The following CHAT variants were observed in gnomAD, a reference collection of about 807,000 sequenced individuals.
The protein encoded by CHAT is acetyl CoA:choline O-acetyltransferase.
Under a neutral mutation model 76.9 loss-of-function variants are expected in CHAT, and 61 were observed. The observed-to-expected ratio is 0.79, with a 90% confidence interval of 0.65 to 0.98. The LOEUF is 0.98. Among genes scored for constraint, CHAT ranks in the 50% least tolerant of loss-of-function variants. CHAT has a pLI of 0.00. For missense variants in CHAT, 946 were observed against 986.9 expected (o/e 0.96, Z 0.56); for synonymous variants, 407 against 397.4 (o/e 1.02, Z -0.29).
upstream of CHAT, chr10:49,612,451 C>A: frequency 9.4e-7 from 1 of 1,066,046 alleles, no homozygotes; most frequent in South Asian, 1.6e-5. Context: ...AGTACCCCAG[C>A]CACTCCTCAA....
intron 9 of CHAT, 91 bp from the exon 10 acceptor site, chr10:49,649,417 G>C: frequency 6.3e-7 from 1 of 1,584,246 alleles, no homozygotes; most frequent in South Asian, 1.1e-5. Flanking sequence ...CGCAAACACT[G>C]ACAGCTAAGA....
At chr10:49,643,960 T>C (rs1000804983) in intron 7 of CHAT, among the ~76,000 whole-genome samples, 1 of 152,168 alleles carries the variant, frequency 6.6e-6, no homozygotes, top group African/African-American at 2.4e-5. Context: ...GGTCTGGGAA[T>C]GGCATTGGGG....
chr10:49,640,333 G>A (rs1839438419), intron 7 of CHAT, among the ~76,000 whole-genome samples: 1 of 152,140 alleles, frequency 6.6e-6, no homozygotes, highest in African/African-American at 2.4e-5. Flanking sequence ...TGGATATATT[G>A]TGTTATAAGA....
At chr10:49,661,828 C>T (rs1840203369) in intron 13 of CHAT, among the ~76,000 whole-genome samples, 1 of 152,162 alleles carries the variant, frequency 6.6e-6, no homozygotes, top group Admixed American at 6.5e-5. Flanking sequence ...AGAATGAGTA[C>T]CCGGCCCCAC....
intron 8 of CHAT, 38 bp from the exon 9 acceptor site, chr10:49,648,469 C>G (rs748541892): frequency 1.3e-6 from 2 of 1,547,178 alleles, no homozygotes; most frequent in South Asian, 2.3e-5. Context: ...GCAATGCTGA[C>G]TCTCCCATGA....
chr10:49,652,566 A>T (rs1371909115), intron 11 of CHAT, among the ~76,000 whole-genome samples: 2 of 152,228 alleles, frequency 1.3e-5, no homozygotes, highest in East Asian at 1.9e-4. Flanking sequence ...CCATCAGCTC[A>T]TGCTTAGCCA....
At chr10:49,618,028 C>G (rs902403322) in intron 2 of CHAT, among the ~76,000 whole-genome samples, 4 of 152,176 alleles carry the variant, frequency 2.6e-5, no homozygotes, top group Non-Finnish European at 5.9e-5. Context: ...GGGGAGGAAC[C>G]CTTTACTGTC....
chr10:49,664,060 T>C (rs1840278324), intron 14 of CHAT, among the ~76,000 whole-genome samples: 1 of 152,052 alleles, frequency 6.6e-6, no homozygotes, highest in Non-Finnish European at 1.5e-5. Context: ...ATCCTTTCTA[T>C]TTTTTTTCCC....
chr10:49,653,244 G>C (rs1839935032), intron 11 of CHAT, among the ~76,000 whole-genome samples: 1 of 152,078 alleles, frequency 6.6e-6, no homozygotes, highest in South Asian at 2.1e-4. Context: ...GTCGGGGAAG[G>C]GGTGAATAGT....
At chr10:49,643,342 T>C (rs1315841504) in intron 7 of CHAT, among the ~76,000 whole-genome samples, 2 of 152,144 alleles carry the variant, frequency 1.3e-5, no homozygotes, top group African/African-American at 4.8e-5. Context: ...TGGGGATCTG[T>C]TCTCCGGCCA....
chr10:49,616,136 G>A, intron 1 of CHAT: 1 of 1,543,352 alleles, frequency 6.5e-7, no homozygotes, highest in East Asian at 2.2e-5. Context: ...GAGAGAGTTT[G>A]ATTGGCAAAG....
chr10:49,631,114 C>A (rs527780480), intron 7 of CHAT, among the ~76,000 whole-genome samples: 8 of 152,234 alleles, frequency 5.3e-5, no homozygotes, highest in Admixed American at 5.2e-4. Flanking sequence ...CTGGTAGGGA[C>A]GGTGAAGGTG....
chr10:49,629,206 T>C (rs1431158729), intron 7 of CHAT, among the ~76,000 whole-genome samples: 2 of 152,266 alleles, frequency 1.3e-5, no homozygotes, highest in Admixed American at 1.3e-4. Flanking sequence ...CTGTTTGGTT[T>C]AATTTCTGAG....
intron 5 of CHAT, among the ~76,000 whole-genome samples, chr10:49,624,730 CGGATGGATGGATGGAT>C (rs908612250): frequency 2.4e-5 from 1 of 41,504 alleles, no homozygotes; most frequent in Non-Finnish European, 8.0e-5. Flanking sequence ...GATGGATGGA[CGGATGGATGGATGGAT>C]GGATGGATGG....
intron 7 of CHAT, among the ~76,000 whole-genome samples, chr10:49,635,610 T>A (rs1839268287): frequency 6.6e-6 from 1 of 152,206 alleles, no homozygotes; most frequent in Non-Finnish European, 1.5e-5. Context: ...CACTTTTTTT[T>A]ATTTTAACCA....
chr10:49,610,045 G>C (rs962527102), upstream of CHAT, among the ~76,000 whole-genome samples: 1 of 152,006 alleles, frequency 6.6e-6, no homozygotes, highest in African/African-American at 2.4e-5. Flanking sequence ...GGGGGCGGGG[G>C]GCAGAGGGCC....
Position 49,614,462 on chromosome 10 carries a change from G to GCC in CHAT, c.274_275dup (p.Arg94GlyfsTer107). 1 of 1,547,074 alleles carries GCC rather than the reference G, an allele frequency of 6.5e-7. No individual in the cohort carries two copies. The highest frequency in any genetic ancestry group is 1.2e-5 in the South Asian group (1 of 84,004). ...GTGCAGCGTCGGCCGAGGCAGCAGA[G>GCC]CCGAGGAGAGCAGGTGAGAAGAAGG... On this transcript the variant is annotated frameshift_variant, in exon 1 of 15. Coordinates refer to ENST00000337653, the MANE Select transcript of CHAT (RefSeq NM_020549.5). LOFTEE classifies it high-confidence loss of function.
intron 3 of CHAT, 81 bp from the exon 4 acceptor site, chr10:49,620,414 A>T: frequency 1.1e-6 from 1 of 916,766 alleles, no homozygotes; most frequent in South Asian, 1.3e-5. Flanking sequence ...TGCTCTGGTG[A>T]AGTGTCCCGA....
chr10:49,627,828 T>C (rs780922703), intron 7 of CHAT, 43 bp downstream of exon 7: 1 of 1,597,800 alleles, frequency 6.3e-7, no homozygotes, highest in Non-Finnish European at 8.5e-7. Flanking sequence ...CATCTCATGC[T>C]CGTGCCCATT....
Sources: gnomAD v4.1 joint callset for allele counts (sites outside exome capture counted in the v4.1 genomes callset) on GRCh38, gnomAD v4.1.1 for gene constraint, MANE v1.5 for transcripts, NCBI Gene and HGNC (gene_info 2026-07-23, HGNC 2026-07-21) for gene names.